The following ADCY3 variants were observed in gnomAD, a reference collection of about 807,000 sequenced individuals.
The protein encoded by ADCY3 is adenylate cyclase type 3.
A neutral mutation model predicts 119.4 loss-of-function variants in ADCY3; 70 were observed. That is an observed-to-expected ratio of 0.59 (90% CI 0.48 to 0.72). ADCY3 has a LOEUF of 0.72. Among genes scored for constraint, ADCY3 ranks in the 30% least tolerant of loss-of-function variants. The pLI, the probability that ADCY3 is intolerant of heterozygous loss-of-function variation, is 0.00. For synonymous variants in ADCY3, 672 were observed against 621.4 expected (o/e 1.08, Z -1.21); for missense variants, 1,238 against 1,541.6 (o/e 0.80, Z 3.30).
Position 24,820,093 on chromosome 2 carries a change from T to G in ADCY3, c.3274A>C (p.Ile1092Leu). 1 of 1,548,974 alleles carries G rather than the reference T, an allele frequency of 6.5e-7. No homozygotes were observed. Among genetic ancestry groups the G allele is most frequent in the South Asian group, 1.2e-5 (1 of 82,526 alleles). Residue 1092 changes from isoleucine to leucine, a missense_variant, in exon 22 of 22, where the codon ATC (isoleucine) becomes CTC (leucine). Coordinates refer to ENST00000679454, the MANE Select transcript of ADCY3 (RefSeq NM_004036.5). The stretch of plus-strand genomic sequence containing the variant: ...AAGCGGAAGCCGTACTCTCGGAGGA[T>G]GACTTGGGTTTCTTCTACCACCTGG... ...NIQVVEETQV[I>L]LREYGFRFVR...
chr2:24,909,568 T>C (rs542935824), intron 2 of ADCY3, among the ~76,000 whole-genome samples: 1 of 152,338 alleles, frequency 6.6e-6, no homozygotes, highest in African/African-American at 2.4e-5. Flanking sequence ...TTTCTCTCTG[T>C]ACAATGCAGT....
At position 24,827,990 on chromosome 2, in the gene ADCY3, G is replaced by T. The variant is rs772629343; in HGVS notation, c.2344C>A (p.Leu782Ile). The T allele has an allele frequency of 2.5e-6, 4 of 1,614,254 alleles. No individual in the cohort carries two copies. In the South Asian group the frequency reaches 4.4e-5, roughly 18 times the overall value. Residue 782 changes from leucine to isoleucine, a missense_variant, in exon 14 of 22, where the codon CTC (leucine) becomes ATC (isoleucine). Physicochemically the swap from Leu to Ile is conservative, Grantham distance 5. This residue lies in a region of ADCY3 where 499 missense variants were observed against 571.0 expected (regional missense o/e 0.87). Coordinates refer to ENST00000679454, the MANE Select transcript of ADCY3 (RefSeq NM_004036.5). ...SHMVKLTLML[L>I]VAGAVATINL... Reference sequence around the variant, plus strand: ...ATGGTGGCCACGGCGCCTGCGACGAGCAGCATGAGCGTGAGCTTCACCATG... The same window carrying T: ...ATGGTGGCCACGGCGCCTGCGACGATCAGCATGAGCGTGAGCTTCACCATG...
At chr2:24,907,946 A>G (rs540338666) in intron 2 of ADCY3, among the ~76,000 whole-genome samples, 1 of 152,244 alleles carries the variant, frequency 6.6e-6, no homozygotes, top group South Asian at 2.1e-4. Flanking sequence ...GTGAGCTGAT[A>G]TTGTTCCACT....
Position 24,918,848 on chromosome 2 carries a change from A to C in ADCY3, c.140T>G (p.Leu47Arg), listed in dbSNP as rs1191879321. 1 of 1,613,494 alleles carries C rather than the reference A, an allele frequency of 6.2e-7. No individual in the cohort carries two copies. The highest frequency in any genetic ancestry group is 8.5e-7 in the Non-Finnish European group (1 of 1,180,030). ...EISVRNSGSCLCLPRFMRLTF... is the reference protein window; with the variant it reads ...EISVRNSGSCRCLPRFMRLTF... ...CAGCCGCATGAAGCGAGGCAGGCAC[A>C]GGCAGGAGCCCGAGTTCCGGACCGA... Residue 47 changes from leucine (L) to arginine (R), a missense_variant, in exon 2 of 22, where the codon CTG becomes CGG. Physicochemically the swap from Leu to Arg is moderately radical, Grantham distance 102 (BLOSUM62 -2). Around this residue, in one of 7 missense-constraint regions of ADCY3, gnomAD observed 227 missense variants for 249.3 expected, o/e 0.91. Coordinates refer to ENST00000679454, the MANE Select transcript of ADCY3 (RefSeq NM_004036.5). The surrounding 1 kb of genome is among the most constrained non-coding windows in gnomAD (Gnocchi z 5.4).
intron 3 of ADCY3, among the ~76,000 whole-genome samples, chr2:24,866,564 C>CAAAAAAAAAA (rs71397449): frequency 2.1e-5 from 1 of 46,552 alleles, no homozygotes; most frequent in African/African-American, 9.4e-5. Context: ...GACCCTGTCT[C>CAAAAAAAAAA]AAAAAAAAAA....
chr2:24,920,110 C>A lies in ADCY3; in HGVS notation c.-625G>T, dbSNP rs1395476021. Among the ~76,000 whole-genome samples, 1 of 145,840 alleles carries A rather than the reference C, an allele frequency of 6.9e-6. No homozygotes were observed. Among genetic ancestry groups the A allele is most frequent in the Non-Finnish European group, 1.5e-5 (1 of 65,648 alleles). On this transcript the variant is annotated 5_prime_UTR_variant, in exon 1 of 22. Transcript: ENST00000679454. The surrounding 1 kb of genome is among the most constrained non-coding windows in gnomAD (Gnocchi z 4.5). ...GGCCCTCCCCGGCGGGAGCGCGGGC[C>A]GAGCCCGGGGAAGCCCGCCAGCATC... is the stretch of plus-strand genomic sequence containing the variant.
intron 9 of ADCY3, among the ~76,000 whole-genome samples, chr2:24,835,314 A>G (rs903672491): frequency 2.2e-4 from 33 of 152,222 alleles, no homozygotes; most frequent in African/African-American, 7.7e-4. Flanking sequence ...GGCCATATAC[A>G]TTGGCAGCCT....
At position 24,919,292 on chromosome 2, in the gene ADCY3, A is replaced by C; in HGVS notation, c.-197-108T>G. 6.2e-6 allele frequency: 2 copies of C among 322,012 alleles called. No individual in the cohort carries two copies. Among genetic ancestry groups the C allele is most frequent in the Non-Finnish European group, 5.8e-6 (1 of 172,118 alleles). The allele number at this position is 322,012 out of a possible 1,614,324, so 19.9% of individuals were successfully genotyped here. ...GGATCTCTGCTGCAAGAGCCTCCCAACCCAGGGCCTTCCCTGCCACCCCCG... is the reference window on the plus strand; with the variant it reads ...GGATCTCTGCTGCAAGAGCCTCCCACCCCAGGGCCTTCCCTGCCACCCCCG... On this transcript the variant is annotated intron_variant, in intron 1 of 21. Coordinates refer to ENST00000679454, the MANE Select transcript of ADCY3 (RefSeq NM_004036.5). This position sits in a 1 kb window ranked among gnomAD's most constrained non-coding sequence, Gnocchi z 5.5.
At chr2:24,911,050 G>T (rs1384190255) in intron 2 of ADCY3, among the ~76,000 whole-genome samples, 1 of 151,970 alleles carries the variant, frequency 6.6e-6, no homozygotes, top group East Asian at 1.9e-4. Context: ...TATGAGGGCT[G>T]TTGGTTGCAA....
intron 11 of ADCY3, among the ~76,000 whole-genome samples, chr2:24,833,629 C>T (rs370738458): frequency 7.2e-5 from 11 of 152,240 alleles, no homozygotes; most frequent in African/African-American, 7.2e-5. Flanking sequence ...CCAAGTTTCA[C>T]GAGAGCAGGG....
At chr2:24,873,789 TC>T (rs1675315656) in intron 2 of ADCY3, among the ~76,000 whole-genome samples, 1 of 152,044 alleles carries the variant, frequency 6.6e-6, no homozygotes, top group Non-Finnish European at 1.5e-5. Context: ...TCCATGCCCT[TC>T]CCCCGAGGCT....
Position 24,898,684 on chromosome 2 carries a change from A to G in ADCY3, c.675+19629T>C, listed in dbSNP as rs1678564875. ...CAAAGGAGCAGAAGCCACAGGTCCC[A>G]GGAAACCGCACAGCTCCCGGCTCCA... On this transcript the variant is annotated intron_variant, in intron 2 of 21. Transcript: ENST00000679454. This position sits in a 1 kb window ranked among gnomAD's most constrained non-coding sequence, Gnocchi z 4.3. 1.3e-5 allele frequency among the ~76,000 whole-genome samples: 2 copies of G among 152,156 alleles called. No homozygotes were observed. Among genetic ancestry groups the G allele is most frequent in the African/African-American group, 2.4e-5 (1 of 41,450 alleles).
chr2:24,905,371 T>C (rs373961051), intron 2 of ADCY3, among the ~76,000 whole-genome samples: 2 of 152,236 alleles, frequency 1.3e-5, no homozygotes, highest in East Asian at 1.9e-4. Flanking sequence ...CCTGACCTCA[T>C]GATCCGCCCG....
Position 24,834,944 on chromosome 2 carries a change from C to T in ADCY3, c.1663-8G>A. 6.2e-7 allele frequency: 1 copy of T among 1,612,154 alleles called. No individual in the cohort carries two copies. On this transcript the variant is annotated splice_region_variant and splice_polypyrimidine_tract_variant and intron_variant, in intron 9 of 21. Transcript: ENST00000679454. The surrounding 1 kb of genome is among the most constrained non-coding windows in gnomAD (Gnocchi z 4.2). ...GAATGAGGGGTTGTCGGCCTGTGAG[C>T]CAGGGAGGCAGCGTGAGTGGGGCAG...
intron 2 of ADCY3, among the ~76,000 whole-genome samples, chr2:24,883,767 G>T (rs1321985313): frequency 6.6e-6 from 1 of 152,222 alleles, no homozygotes; most frequent in African/African-American, 2.4e-5. Context: ...TAGGAATCCA[G>T]ATAGATCATC....
rs1675949092 is a variant in ADCY3 at position 24,878,196 on chromosome 2, A to G, written c.676-5477T>C. On this transcript the variant is annotated intron_variant, in intron 2 of 21. Transcript: ENST00000679454. This position sits in a 1 kb window ranked among gnomAD's most constrained non-coding sequence, Gnocchi z 4.0. ...TCCCAAATGGATAAACACTTGGACT[A>G]AAGTGTCATCTAACCCATGACAGCC... is the stretch of plus-strand genomic sequence containing the variant. Among the ~76,000 whole-genome samples the G allele has an allele frequency of 6.6e-6, 1 of 152,360 alleles. No homozygotes were observed. The highest frequency in any genetic ancestry group is 6.5e-5 in the Admixed American group (1 of 15,312).
chr2:24,867,808 A>C (rs576988108), intron 3 of ADCY3, among the ~76,000 whole-genome samples: 1 of 152,328 alleles, frequency 6.6e-6, no homozygotes, highest in Admixed American at 6.5e-5. Context: ...TAATAAGAAT[A>C]TTACATAAAA....
At chr2:24,907,816 G>GA (rs755603958) in intron 2 of ADCY3, among the ~76,000 whole-genome samples, 5 of 151,800 alleles carry the variant, frequency 3.3e-5, no homozygotes, top group Non-Finnish European at 7.4e-5. Flanking sequence ...CCAACATGGC[G>GA]AAACCCCATC....
At chr2:24,828,311 T>C in intron 13 of ADCY3, 150 bp from the exon 14 acceptor site, 7 of 937,104 alleles carry the variant, frequency 7.5e-6, no homozygotes, top group Non-Finnish European at 1.1e-5. Context: ...TACCAGGGAC[T>C]AATCATATGA....
Sources: gnomAD v4.1 joint callset for allele counts (sites outside exome capture counted in the v4.1 genomes callset) on GRCh38, gnomAD v4.1.1 for gene constraint, gnomAD v4.1.1 regional missense constraint, Gnocchi (gnomAD v3.1) non-coding constraint, MANE v1.5 for transcripts, NCBI Gene and HGNC (gene_info 2026-07-23, HGNC 2026-07-21) for gene names.